The following TXNRD1 variants were observed in gnomAD, a reference collection of about 807,000 sequenced individuals.
The protein encoded by TXNRD1 is thioredoxin reductase 1, also known as thioredoxin reductase 1, cytoplasmic.
TXNRD1 carries 57 observed loss-of-function variants against 80.3 expected under a neutral mutation model. That is an observed-to-expected ratio of 0.71 (90% confidence interval 0.57 to 0.89). The LOEUF (loss-of-function observed/expected upper bound fraction) is 0.89, where lower values mean the gene tolerates loss of function less well. TXNRD1 is among the 40% of genes least tolerant of loss of function. The pLI is 0.00. For synonymous variants in TXNRD1, 291 were observed against 285.2 expected (o/e 1.02, Z -0.20); for missense variants, 730 against 803.0 (o/e 0.91, Z 1.10).
intron 3 of TXNRD1, among the ~76,000 whole-genome samples, chr12:104,263,348 G>T (rs11111960): frequency 6.6e-6 from 1 of 151,928 alleles, no homozygotes; most frequent in African/African-American, 2.4e-5. Context: ...AGACTATCTC[G>T]TAGAACCTTC....
intron 1 of TXNRD1, among the ~76,000 whole-genome samples, chr12:104,249,754 T>G (rs1328524821): frequency 6.6e-6 from 1 of 151,736 alleles, no homozygotes; most frequent in African/African-American, 2.4e-5. Flanking sequence ...GCTAACATGG[T>G]GAAACCCCGT....
Position 104,331,594 on chromosome 12 carries a change from C to G in TXNRD1, c.1603C>G (p.Leu535Val). 6.2e-7 allele frequency: 1 copy of G among 1,612,420 alleles called. No individual in the cohort carries two copies. ...TCCTTTGGAATATGGTGCTTGTGGC[C>G]TTTCTGAGGAGAAAGCTGTGGAGAA... ...FTPLEYGACG[L>V]SEEKAVEKFG... is the part of the protein sequence containing the mutation. The change falls in exon 14 of 17, where the codon CTT (leucine) becomes GTT (valine). Residue 535 changes from leucine to valine, a missense_variant. By Grantham distance (32) the Leu-to-Val change is conservative (BLOSUM62 1). Transcript: ENST00000525566.
intron 16 of TXNRD1, among the ~76,000 whole-genome samples, chr12:104,347,428 A>G (rs2036529624): frequency 6.6e-6 from 1 of 152,220 alleles, no homozygotes; most frequent in African/African-American, 2.4e-5. Flanking sequence ...GCAAGTAAAG[A>G]TTGTCTAAAA....
At chr12:104,256,015 T>C (rs2033241532) in intron 2 of TXNRD1, among the ~76,000 whole-genome samples, 1 of 152,244 alleles carries the variant, frequency 6.6e-6, no homozygotes, top group African/African-American at 2.4e-5. Context: ...GAATTTCTTC[T>C]GAGGGTGTAC....
chr12:104,260,985 G>A (rs966981886), intron 3 of TXNRD1, among the ~76,000 whole-genome samples: 1 of 152,136 alleles, frequency 6.6e-6, no homozygotes, highest in East Asian at 1.9e-4. Context: ...GTGTTTTTTG[G>A]TAACAAATGG....
chr12:104,302,486 C>CTTTTTTTTTTTTTTTTTTTTT lies in TXNRD1; in HGVS notation c.415-8803_415-8783dup, dbSNP rs772202256. Among the ~76,000 whole-genome samples the CTTTTTTTTTTTTTTTTTTTTT allele has an allele frequency of 2.4e-4, 18 of 76,226 alleles. 2 individuals carry two copies. The highest frequency in any genetic ancestry group is 3.4e-4 in the Non-Finnish European group (15 of 44,154). The allele number at this position is 76,226 out of a possible 152,430, so 50.0% of individuals were successfully genotyped here. Reference sequence around the variant, plus strand: ...TTTAAAAACCAGATGTATTCATTCCCTTTTTTTTTTTTTTTTTTTTTGAGA... The same window carrying CTTTTTTTTTTTTTTTTTTTTT: ...TTTAAAAACCAGATGTATTCATTCCCTTTTTTTTTTTTTTTTTTTTTTTTTTTTTTTTTTTTTTTTTTGAGA... On this transcript the variant is annotated intron_variant, in intron 4 of 16. Transcript: ENST00000525566.
At chr12:104,246,085 C>T (rs567456900) in intron 1 of TXNRD1, among the ~76,000 whole-genome samples, 21 of 143,044 alleles carry the variant, frequency 1.5e-4, no homozygotes, top group African/African-American at 5.1e-4. Flanking sequence ...TGCACTCCAG[C>T]CTGGAGCCTG....
chr12:104,264,015 T>C (rs1181492339), intron 3 of TXNRD1, among the ~76,000 whole-genome samples: 1 of 152,200 alleles, frequency 6.6e-6, no homozygotes, highest in Non-Finnish European at 1.5e-5. Context: ...GTTGCCTCTT[T>C]GGCATTGTTT....
At chr12:104,300,155 T>C (rs1437922664) in intron 4 of TXNRD1, among the ~76,000 whole-genome samples, 1 of 152,192 alleles carries the variant, frequency 6.6e-6, no homozygotes, top group Non-Finnish European at 1.5e-5. Flanking sequence ...CCTATCACGT[T>C]TGTGTTGAGC....
rs2034348989 is a variant in TXNRD1, at chr12:104,294,238, C to CCT, written c.414+5199_414+5200insTC. ...CTAAACTCCCCCGGGGAAAGGCCCC[C>CCT]CCCCCCGCCGCCGGCTTTCCCGGTC... On this transcript the variant is annotated intron_variant, in intron 4 of 16. Coordinates refer to ENST00000525566, the MANE Select transcript of TXNRD1 (RefSeq NM_001093771.3). Among the ~76,000 whole-genome samples, 20 of 122,266 alleles carry CCT rather than the reference C, an allele frequency of 1.6e-4. 7 individuals carry two copies. Among genetic ancestry groups the CCT allele is most frequent in the Non-Finnish European group, 2.9e-4 (16 of 55,754 alleles). The allele number at this position is 122,266 out of a possible 152,430, so 80.2% of individuals were successfully genotyped here.
chr12:104,308,776 GT>G (rs1450206943), intron 4 of TXNRD1, among the ~76,000 whole-genome samples: 2 of 152,048 alleles, frequency 1.3e-5, no homozygotes, highest in East Asian at 3.9e-4. Context: ...ACCTTCTACT[GT>G]TTGGGGCAGC....
chr12:104,267,297 T>G lies in TXNRD1; in HGVS notation c.304+9218T>G, dbSNP rs1199817081. ...TTTCTTTCTTTCCTCTTTCTGTCTG[T>G]CTGTCTGTCTTGCTCTATTGCCCAG... On this transcript the variant is annotated intron_variant, in intron 3 of 16. Transcript: ENST00000525566. Among the ~76,000 whole-genome samples the G allele has an allele frequency of 5.3e-5, 8 of 151,168 alleles. No individual in the cohort carries two copies. The Admixed American group carries it at 5.3e-4, about 10-fold the overall frequency.
At chr12:104,225,045 A>G (rs893906328) in intron 1 of TXNRD1, 2 of 359,636 alleles carry the variant, frequency 5.6e-6, no homozygotes, top group African/African-American at 4.3e-5. Context: ...TTAATTAGAT[A>G]ATATTTATTC....
intron 7 of TXNRD1, among the ~76,000 whole-genome samples, chr12:104,317,272 A>G (rs2035361843): frequency 6.6e-6 from 1 of 151,994 alleles, no homozygotes; most frequent in Non-Finnish European, 1.5e-5. Context: ...GACAGAGGCC[A>G]GGCAGGGAGG....
At chr12:104,309,670 G>A in intron 4 of TXNRD1, 1 of 910,230 alleles carries the variant, frequency 1.1e-6, no homozygotes, top group East Asian at 3.1e-5. Context: ...TGCTCTTTGA[G>A]ACCCAGTAGG....
At chr12:104,245,562 A>T (rs2032964537) in intron 1 of TXNRD1, among the ~76,000 whole-genome samples, 1 of 144,586 alleles carries the variant, frequency 6.9e-6, no homozygotes, top group African/African-American at 2.5e-5. Context: ...GTTAAAAGGT[A>T]TGGCCATCTC....
intron 7 of TXNRD1, among the ~76,000 whole-genome samples, chr12:104,316,805 C>T (rs1341273353): frequency 6.6e-6 from 1 of 152,188 alleles, no homozygotes; most frequent in Non-Finnish European, 1.5e-5. Flanking sequence ...AGTGAAACTC[C>T]AACCCCTATG....
chr12:104,346,418 G>A (rs1215282600), intron 16 of TXNRD1, among the ~76,000 whole-genome samples: 1 of 152,054 alleles, frequency 6.6e-6, no homozygotes, highest in African/African-American at 2.4e-5. Flanking sequence ...TCATTTTGGT[G>A]GATTTAGTTT....
chr12:104,286,875 C>T (rs966406358), intron 3 of TXNRD1: 2 of 1,106,934 alleles, frequency 1.8e-6, no homozygotes, highest in Non-Finnish European at 2.2e-6. Context: ...TAGGAGCTCT[C>T]AGCTTACGAG....
Sources: gnomAD v4.1 joint callset for allele counts (sites outside exome capture counted in the v4.1 genomes callset) on GRCh38, gnomAD v4.1.1 for gene constraint, MANE v1.5 for transcripts, NCBI Gene and HGNC (gene_info 2026-07-23, HGNC 2026-07-21) for gene names.